The following KLF12 variants were observed in gnomAD, a reference collection of about 807,000 sequenced individuals.
The protein encoded by KLF12 is KLF transcription factor 12, also known as Krueppel-like factor 12.
Under a neutral mutation model 37.8 loss-of-function variants are expected in KLF12, and 9 were observed. That is an observed-to-expected ratio of 0.24 (90% CI 0.14 to 0.42). The LOEUF is 0.42. Ranked by LOEUF, KLF12 falls within the 10% of genes least tolerant of loss-of-function variation. The pLI, the probability that KLF12 is intolerant of heterozygous loss-of-function variation, is 1.00. For synonymous variants in KLF12, 208 were observed against 202.1 expected, an observed-to-expected ratio of 1.03 and a Z score of -0.25; for missense variants, 411 against 516.0, an observed-to-expected ratio of 0.80 and a Z score of 1.97.
intron 7 of KLF12, among the ~76,000 whole-genome samples, chr13:73,704,646 T>C (rs1285151212): frequency 2.6e-5 from 4 of 152,224 alleles, no homozygotes; most frequent in African/African-American, 9.6e-5. Flanking sequence ...GTCCATGCTG[T>C]AGAGAAAGAA....
intron 3 of KLF12, among the ~76,000 whole-genome samples, chr13:73,866,931 T>C (rs934129046): frequency 2.0e-5 from 3 of 151,982 alleles, no homozygotes; most frequent in Non-Finnish European, 4.4e-5. Flanking sequence ...GATCTCTGCA[T>C]TGTCTAGAAA....
chr13:74,287,396 A>AGAGAGAGAGAGAG, the KLF12 span, among the ~76,000 whole-genome samples: 8 of 35,836 alleles, frequency 2.2e-4, no homozygotes, highest in Admixed American at 2.8e-4. Flanking sequence ...GAGAGAGAGA[A>AGAGAGAGAGAGAG]TCCACCTCTA....
chr13:73,833,945 A>T (rs1322156736), intron 4 of KLF12, among the ~76,000 whole-genome samples: 3 of 152,176 alleles, frequency 2.0e-5, no homozygotes, highest in Admixed American at 2.0e-4. Flanking sequence ...AGCATTCCTA[A>T]GCATCTCACA....
intron 2 of KLF12, among the ~76,000 whole-genome samples, chr13:73,949,833 C>G (rs1192232382): frequency 1.1e-4 from 16 of 152,164 alleles, no homozygotes; most frequent in Admixed American, 9.8e-4. Flanking sequence ...TCTAGCCCAG[C>G]CTTTCATCTT....
chr13:73,971,057 A>G (rs906449448), intron 2 of KLF12, among the ~76,000 whole-genome samples: 6 of 152,176 alleles, frequency 3.9e-5, no homozygotes, highest in Non-Finnish European at 8.8e-5. Flanking sequence ...TTAAGTGTTA[A>G]AATATTGTAA....
intron 4 of KLF12, among the ~76,000 whole-genome samples, chr13:73,820,692 T>C (rs945132333): frequency 2.6e-5 from 4 of 152,006 alleles, no homozygotes; most frequent in East Asian, 1.9e-4. Context: ...TACTCATTTT[T>C]CCCCCAATTT....
chr13:73,749,037 T>C (rs904434842), intron 6 of KLF12, among the ~76,000 whole-genome samples: 1 of 152,276 alleles, frequency 6.6e-6, no homozygotes, highest in African/African-American at 2.4e-5. Flanking sequence ...TCATTTCCTA[T>C]AGAGTACCTA....
chr13:73,765,285 C>T (rs1167035666), intron 5 of KLF12, among the ~76,000 whole-genome samples: 1 of 152,136 alleles, frequency 6.6e-6, no homozygotes, highest in African/African-American at 2.4e-5. Context: ...ACAAAAGTGA[C>T]TGAATACCTA....
intron 3 of KLF12, among the ~76,000 whole-genome samples, chr13:73,860,032 A>G (rs1001747935): frequency 4.6e-5 from 7 of 152,192 alleles, no homozygotes; most frequent in African/African-American, 1.7e-4. Context: ...TGCAAATAGG[A>G]CAATAAGTGA....
intron 1 of KLF12, among the ~76,000 whole-genome samples, chr13:74,082,834 C>T (rs1311248768): frequency 3.9e-5 from 6 of 151,956 alleles, no homozygotes; most frequent in Non-Finnish European, 7.4e-5. Flanking sequence ...AGCATTTTCC[C>T]GGGGCAGGGA....
chr13:74,169,001 C>A, the KLF12 span, among the ~76,000 whole-genome samples: 1 of 152,100 alleles, frequency 6.6e-6, no homozygotes, highest in Non-Finnish European at 1.5e-5. Flanking sequence ...CTGGAGACAG[C>A]AATGCTTTTA....
chr13:74,007,932 T>G (rs1404028190), intron 1 of KLF12, among the ~76,000 whole-genome samples: 5 of 147,836 alleles, frequency 3.4e-5, no homozygotes, highest in Middle Eastern at 3.5e-3. Flanking sequence ...GTTACAAAAG[T>G]GCACACAATT....
At chr13:74,243,342 T>C in the KLF12 span, among the ~76,000 whole-genome samples, 11 of 152,226 alleles carry the variant, frequency 7.2e-5, no homozygotes, top group African/African-American at 2.7e-4. Context: ...ATTTTCTTTA[T>C]TCAGTCTATC....
At chr13:73,776,767 T>C (rs1392686327) in intron 5 of KLF12, among the ~76,000 whole-genome samples, 1 of 152,192 alleles carries the variant, frequency 6.6e-6, no homozygotes, top group Admixed American at 6.5e-5. Flanking sequence ...CATCTGGTTG[T>C]TATTTTGGTT....
At chr13:74,226,826 AC>A in the KLF12 span, among the ~76,000 whole-genome samples, 1 of 152,110 alleles carries the variant, frequency 6.6e-6, no homozygotes, top group Non-Finnish European at 1.5e-5. Flanking sequence ...CTGCCCTGAT[AC>A]CATACGTTAC....
intron 2 of KLF12, among the ~76,000 whole-genome samples, chr13:73,977,991 A>G (rs1891584038): frequency 6.6e-6 from 1 of 152,132 alleles, no homozygotes; most frequent in Admixed American, 6.5e-5. Flanking sequence ...CACAGACCTA[A>G]AAGTAAAATG....
chr13:74,046,867 TA>T lies in KLF12; in HGVS notation c.-31-51815del, dbSNP rs1234116990. Among the ~76,000 whole-genome samples the T allele has an allele frequency of 4.6e-5, 7 of 152,338 alleles. No homozygotes were observed. The East Asian group carries it at 1.3e-3, about 29-fold the overall frequency. On this transcript the variant is annotated intron_variant, in intron 1 of 7. Transcript: ENST00000377669. ...TTTGCATTTTCCTTACTATACCATA[TA>T]AGACTTAAAATACCAAATTATATAT...
chr13:73,948,378 C>T (rs948066183), intron 2 of KLF12, among the ~76,000 whole-genome samples: 7 of 152,262 alleles, frequency 4.6e-5, no homozygotes, highest in African/African-American at 1.2e-4. Context: ...TGCGCCACCA[C>T]GCCTAATTTT....
chr13:73,937,641 A>C (rs991738094), intron 3 of KLF12, among the ~76,000 whole-genome samples: 1 of 152,194 alleles, frequency 6.6e-6, no homozygotes, highest in African/African-American at 2.4e-5. Context: ...TGAAAGAGAA[A>C]GTACATTGCT....
Sources: gnomAD v4.1 joint callset for allele counts (sites outside exome capture counted in the v4.1 genomes callset) on GRCh38, gnomAD v4.1.1 for gene constraint, MANE v1.5 for transcripts, NCBI Gene and HGNC (gene_info 2026-07-23, HGNC 2026-07-21) for gene names.